The following KLHL24 variants were observed in gnomAD, a reference collection of about 807,000 sequenced individuals.
KLHL24 encodes kelch like family member 24, also known as kelch-like protein 24.
A neutral mutation model predicts 53.4 loss-of-function variants in KLHL24; 29 were observed. That is an observed-to-expected ratio of 0.54 (90% confidence interval 0.40 to 0.74). The LOEUF (loss-of-function observed/expected upper bound fraction) is 0.74. Among genes scored for constraint, KLHL24 ranks in the 30% least tolerant of loss-of-function variants. KLHL24 has a pLI of 0.00. For synonymous variants in KLHL24, 222 were observed against 253.7 expected (o/e 0.88, Z 1.19); for missense variants, 504 against 744.0 (o/e 0.68, Z 3.75).
rs1714998275 is a variant in KLHL24 at position 183,635,709 on chromosome 3, G to C, written c.-209G>C. ...GCCGCCCGCCGCTGAGGGACCGCGGGGTTAGCCACTGCTGGCTGCTTCCAG... is the reference window on the plus strand; with the variant it reads ...GCCGCCCGCCGCTGAGGGACCGCGGCGTTAGCCACTGCTGGCTGCTTCCAG... On this transcript the variant is annotated 5_prime_UTR_variant, in exon 1 of 8. Coordinates refer to ENST00000242810, the MANE Select transcript of KLHL24 (RefSeq NM_017644.3). The C allele has an allele frequency of 6.5e-6, 1 of 152,834 alleles. No individual in the cohort carries two copies. The highest frequency in any genetic ancestry group is 1.5e-5 in the Non-Finnish European group (1 of 68,610). The allele number at this position is 152,834 out of a possible 1,614,324, so 9.5% of individuals were successfully genotyped here. A position where few individuals can be genotyped will look rare whatever the true frequency, so the allele number is the denominator to read the frequency against.
At chr3:183,664,875 C>T in intron 4 of KLHL24, 46 bp from the exon 5 acceptor site, 1 of 1,099,414 alleles carries the variant, frequency 9.1e-7, no homozygotes, top group Non-Finnish European at 1.4e-6. Flanking sequence ...TTGGTGACAG[C>T]TATATCATGA....
chr3:183,649,652 A>C (rs907483150), intron 2 of KLHL24, among the ~76,000 whole-genome samples: 1 of 151,932 alleles, frequency 6.6e-6, no homozygotes, highest in Admixed American at 6.6e-5. Flanking sequence ...ATGGTGGCTC[A>C]TGCCTGTAAT....
intron 3 of KLHL24, among the ~76,000 whole-genome samples, chr3:183,652,311 C>A (rs959699516): frequency 5.9e-5 from 9 of 151,988 alleles, no homozygotes; most frequent in African/African-American, 1.9e-4. Context: ...AATCTCCATG[C>A]CTTAATAGTG....
At chr3:183,670,915 G>A (rs903550759) in intron 5 of KLHL24, 119 bp from the exon 6 acceptor site, 1 of 683,198 alleles carries the variant, frequency 1.5e-6, no homozygotes, top group East Asian at 2.6e-5. Context: ...TAAATATATT[G>A]CAATTATATT....
chr3:183,647,020 C>T (rs1717364383), intron 2 of KLHL24, among the ~76,000 whole-genome samples: 1 of 146,886 alleles, frequency 6.8e-6, no homozygotes, highest in Non-Finnish European at 1.5e-5. Context: ...TCACTGTTAG[C>T]TAGGATGGTC....
At chr3:183,665,454 A>T (rs992880030) in intron 5 of KLHL24, among the ~76,000 whole-genome samples, 6 of 152,220 alleles carry the variant, frequency 3.9e-5, no homozygotes, top group African/African-American at 1.4e-4. Context: ...AAATATTAAG[A>T]TAAACTCACT....
chr3:183,674,307 T>C (rs28736762), intron 7 of KLHL24, among the ~76,000 whole-genome samples: 219 of 118,580 alleles, frequency 1.8e-3, no homozygotes, highest in African/African-American at 2.7e-3. Context: ...TTCTTTCCTT[T>C]CTTCCTTCCT....
intron 3 of KLHL24, among the ~76,000 whole-genome samples, chr3:183,656,905 G>GAA (rs34835305): frequency 9.3e-4 from 121 of 129,890 alleles, no homozygotes; most frequent in African/African-American, 2.1e-3. Context: ...CCAGAAAAAG[G>GAA]AAAAAAAAAA....
At chr3:183,642,079 G>A (rs980332838) in intron 1 of KLHL24, among the ~76,000 whole-genome samples, 4 of 152,138 alleles carry the variant, frequency 2.6e-5, no homozygotes, top group Non-Finnish European at 5.9e-5. Flanking sequence ...GTTCTTGTTT[G>A]GCTCTACTCT....
chr3:183,663,568 C>G lies in KLHL24; in HGVS notation c.1031C>G (p.Ser344Cys). 6.2e-7 allele frequency: 1 copy of G among 1,607,982 alleles called. No homozygotes were observed. Among genetic ancestry groups the G allele is most frequent in the Non-Finnish European group, 8.5e-7 (1 of 1,176,224 alleles). The change falls in exon 4 of 8, where the codon TCT becomes TGT. Residue 344 changes from serine (S) to cysteine (C), a missense_variant. Physicochemically the swap from Ser to Cys is moderately radical, Grantham distance 112. Coordinates refer to ENST00000242810, the MANE Select transcript of KLHL24 (RefSeq NM_017644.3). The surrounding 1 kb of genome is among the most constrained non-coding windows in gnomAD (Gnocchi z 4.9). ...CYDPVTGEWK[S>C]LAKLPEFTKS... ...GATCCTGTAACAGGAGAATGGAAGT[C>G]TTTGGCTAAGCTTCCAGAATTTACC...
rs865864777 is a variant in KLHL24, at chr3:183,682,616, T to C, written c.*3330T>C. 3.3e-5 allele frequency: 5 copies of C among 152,636 alleles called. No individual in the cohort carries two copies. Among genetic ancestry groups the C allele is most frequent in the African/African-American group, 1.2e-4 (5 of 41,448 alleles). The allele number at this position is 152,636 out of a possible 1,614,324, so 9.5% of individuals were successfully genotyped here. The stretch of plus-strand genomic sequence containing the variant: ...CTTCACACATGGTGGTGGTTGAACA[T>C]TGATTCTTTTATACTTAAAAAGATG... On this transcript the variant is annotated 3_prime_UTR_variant, in exon 8 of 8. Coordinates refer to ENST00000242810, the MANE Select transcript of KLHL24 (RefSeq NM_017644.3).
intron 1 of KLHL24, among the ~76,000 whole-genome samples, chr3:183,641,258 G>A (rs1173427039): frequency 1.3e-5 from 2 of 152,062 alleles, no homozygotes. Flanking sequence ...ACTTTGGGAG[G>A]TCGAGGCGGG....
chr3:183,638,463 T>A (rs556364886), intron 1 of KLHL24, among the ~76,000 whole-genome samples: 1 of 152,182 alleles, frequency 6.6e-6, no homozygotes, highest in East Asian at 1.9e-4. Context: ...GACAAAAATT[T>A]GGGACACTTT....
At chr3:183,676,127 C>T (rs2108895443) in intron 7 of KLHL24, among the ~76,000 whole-genome samples, 1 of 152,316 alleles carries the variant, frequency 6.6e-6, no homozygotes, top group South Asian at 2.1e-4. Flanking sequence ...ATTGTTACCA[C>T]CAATGCTACT....
rs1280367318 is a variant in KLHL24, at chr3:183,663,269, C to T, written c.921-189C>T. ...AATTTTCTGTGGAATAATGATGTCA[C>T]TAGCTCCCCTATAAACGTTCTCAAA... On this transcript the variant is annotated intron_variant, in intron 3 of 7. Coordinates refer to ENST00000242810, the MANE Select transcript of KLHL24 (RefSeq NM_017644.3). This position sits in a 1 kb window ranked among gnomAD's most constrained non-coding sequence, Gnocchi z 4.9. Among the ~76,000 whole-genome samples the T allele has an allele frequency of 1.3e-5, 2 of 152,128 alleles. No individual in the cohort carries two copies. Among genetic ancestry groups the T allele is most frequent in the Non-Finnish European group, 2.9e-5 (2 of 68,040 alleles).
chr3:183,674,984 T>C (rs1711585168), intron 7 of KLHL24, among the ~76,000 whole-genome samples: 1 of 152,202 alleles, frequency 6.6e-6, no homozygotes, highest in African/African-American at 2.4e-5. Flanking sequence ...ATGGATCTAT[T>C]TTGCTTTCTG....
chr3:183,650,430 A>G lies in KLHL24; in HGVS notation c.74A>G (p.Lys25Arg). The change falls in exon 3 of 8, where the codon AAA becomes AGA. Residue 25 changes from lysine to arginine, a missense_variant. By Grantham distance (26) the Lys-to-Arg change is conservative. Transcript: ENST00000242810. The surrounding 1 kb of genome is among the most constrained non-coding windows in gnomAD (Gnocchi z 4.5). ...CGTGATTCCCCAGCAACTAAGCGAAAAGTTTTTGAAATGGACCCCAAATCT... is the reference window on the plus strand; with the variant it reads ...CGTGATTCCCCAGCAACTAAGCGAAGAGTTTTTGAAATGGACCCCAAATCT... ...GVRDSPATKR[K>R]VFEMDPKSLT... is the part of the protein sequence containing the mutation. The G allele has an allele frequency of 1.9e-6, 3 of 1,614,164 alleles. No individual in the cohort carries two copies. Among genetic ancestry groups the G allele is most frequent in the Non-Finnish European group, 2.5e-6 (3 of 1,180,022 alleles).
chr3:183,649,062 T>C (rs1717744843), intron 2 of KLHL24, among the ~76,000 whole-genome samples: 2 of 152,018 alleles, frequency 1.3e-5, no homozygotes, highest in South Asian at 4.1e-4. Context: ...CCTCAATCCA[T>C]CAGTTACTTA....
Position 183,661,051 on chromosome 3 carries a change from C to T in KLHL24, c.921-2407C>T, listed in dbSNP as rs369694906. 1.1e-4 allele frequency among the ~76,000 whole-genome samples: 7 copies of T among 65,198 alleles called. 2 individuals are homozygous for T. The East Asian group carries it at 2.1e-3, about 20-fold the overall frequency. The allele number at this position is 65,198 out of a possible 152,430, so 42.8% of individuals were successfully genotyped here. A position where few individuals can be genotyped will look rare whatever the true frequency, so the allele number is the denominator to read the frequency against. ...CCGCACTCCAGCCTGGGCGACAGAG[C>T]GAGACTCCGTCTCAAAAAAAAAAAA... On this transcript the variant is annotated intron_variant, in intron 3 of 7. Coordinates refer to ENST00000242810, the MANE Select transcript of KLHL24 (RefSeq NM_017644.3).
Sources: gnomAD v4.1 joint callset for allele counts (sites outside exome capture counted in the v4.1 genomes callset) on GRCh38, gnomAD v4.1.1 for gene constraint, Gnocchi (gnomAD v3.1) non-coding constraint, MANE v1.5 for transcripts, NCBI Gene and HGNC (gene_info 2026-07-23, HGNC 2026-07-21) for gene names.